Variants in ANKRD36C observed in about 807,000 individuals in gnomAD.
ANKRD36C encodes ankyrin repeat domain-containing protein 36C.
In ANKRD36C, 61 loss-of-function variants were observed where a neutral mutation model predicts 276.4. That is an observed-to-expected ratio of 0.22 (90% CI 0.18 to 0.27). ANKRD36C has a LOEUF of 0.27. Ranked by LOEUF, ANKRD36C falls within the 10% of genes least tolerant of loss-of-function variation. The probability of loss-of-function intolerance (pLI) is 1.00; values close to 1 mark genes in which losing one functional copy is unlikely to be tolerated. For synonymous variants in ANKRD36C, 483 were observed against 680.1 expected (o/e 0.71, Z 4.51); for missense variants, 1,447 against 2,032.3 (o/e 0.71, Z 5.54).
At chr2:95,946,516 T>C (rs1428408103) in intron 17 of ANKRD36C, among the ~76,000 whole-genome samples, 3 of 144,020 alleles carry the variant, frequency 2.1e-5, no homozygotes, top group Non-Finnish European at 4.5e-5. Flanking sequence ...CTCAGGGATC[T>C]AGAACTGGAA....
intron 59 of ANKRD36C, among the ~76,000 whole-genome samples, chr2:95,868,271 C>T (rs535205218): frequency 2.1e-4 from 31 of 150,696 alleles, no homozygotes; most frequent in Non-Finnish European, 3.7e-4. Flanking sequence ...TTTGTAACAA[C>T]AGAAACACCA....
rs770615937 is a variant in ANKRD36C at position 95,890,026 on chromosome 2, T to C, written c.2858-32A>G. ...AGCAAAAAGGATACATAATCACTCA[T>C]ACGTAAATATGATAAAGTTATTCAT... On this transcript the variant is annotated intron_variant, in intron 46 of 66. Transcript: ENST00000456556. 5 of 1,601,464 alleles carry C rather than the reference T, an allele frequency of 3.1e-6. No homozygotes were observed. In the South Asian group the frequency reaches 4.4e-5, roughly 14 times the overall value.
At chr2:95,855,047 CTT>C (rs1573717057) in intron 63 of ANKRD36C, among the ~76,000 whole-genome samples, 1 of 152,102 alleles carries the variant, frequency 6.6e-6, no homozygotes. Flanking sequence ...CATTTTAAAA[CTT>C]AAAATTTTAT....
intron 60 of ANKRD36C, among the ~76,000 whole-genome samples, chr2:95,860,774 A>T (rs1187841935): frequency 1.3e-5 from 2 of 152,162 alleles, no homozygotes. Flanking sequence ...GATGAAGCTG[A>T]GAGGCCAGTA....
At chr2:95,896,752 C>T (rs1676562459) in intron 44 of ANKRD36C, among the ~76,000 whole-genome samples, 1 of 147,880 alleles carries the variant, frequency 6.8e-6, no homozygotes, top group Non-Finnish European at 1.5e-5. Flanking sequence ...CAGGTTTTCT[C>T]AGCAGAAACC....
chr2:95,872,835 A>G (rs1312803597), intron 59 of ANKRD36C, among the ~76,000 whole-genome samples: 15 of 152,190 alleles, frequency 9.9e-5, no homozygotes, highest in Non-Finnish European at 2.9e-5. Context: ...TAAAGGGGAT[A>G]TCACCACCGA....
intron 64 of ANKRD36C, chr2:95,853,471 T>TA (rs1478513979): frequency 7.0e-6 from 2 of 287,158 alleles, no homozygotes; most frequent in East Asian, 1.4e-4. Context: ...AATATATGTA[T>TA]AAAAAATGGC....
Position 95,906,534 on chromosome 2 carries a change from G to A in ANKRD36C, c.2653+5710C>T. The A allele has an allele frequency of 1.2e-5, 3 of 251,130 alleles. No individual in the cohort carries two copies. The East Asian group carries it at 4.9e-4, about 41-fold the overall frequency. 15.6% of individuals were successfully genotyped at this position (251,130 alleles called of 1,614,324 possible). On this transcript the variant is annotated intron_variant, in intron 42 of 66. Transcript: ENST00000456556. ...GAAGAATCTCAGGCCTACTGAATCA[G>A]AATGTGCAGTTTCGACCAGCCCCCC...
chr2:95,945,348 A>G (rs145132502), intron 17 of ANKRD36C, among the ~76,000 whole-genome samples, 174 bp from the exon 18 acceptor site: 91 of 145,174 alleles, frequency 6.3e-4, no homozygotes, highest in Non-Finnish European at 8.8e-4. Context: ...TGGGATGATG[A>G]TTATGATTGG....
chr2:95,925,624 A>G, intron 28 of ANKRD36C, 77 bp from the exon 29 acceptor site: 1 of 1,390,472 alleles, frequency 7.2e-7, no homozygotes, highest in East Asian at 2.5e-5. Context: ...CAGTGTTAGC[A>G]TCAAGCTGTA....
chr2:95,903,109 C>T lies in ANKRD36C; in HGVS notation c.2654-3773G>A. The T allele has an allele frequency of 1.9e-6, 3 of 1,554,090 alleles. 1 individual carries two copies. The highest frequency in any genetic ancestry group is 2.6e-6 in the Non-Finnish European group (3 of 1,147,896). ...GAAAAGTAAAAGGGATTCATAATCACTCATATGTAAAAATGACAAAATTAT... is the reference window on the plus strand; with the variant it reads ...GAAAAGTAAAAGGGATTCATAATCATTCATATGTAAAAATGACAAAATTAT... On this transcript the variant is annotated intron_variant, in intron 42 of 66. Transcript: ENST00000456556.
Position 95,982,240 on chromosome 2 carries a change from G to T in ANKRD36C, c.593+16C>A. The T allele has an allele frequency of 2.0e-6, 3 of 1,516,428 alleles. No homozygotes were observed. Among genetic ancestry groups the T allele is most frequent in the Non-Finnish European group, 2.7e-6 (3 of 1,123,832 alleles). The allele number at this position is 1,516,428 out of a possible 1,614,324, so 93.9% of individuals were successfully genotyped here. On this transcript the variant is annotated intron_variant, in intron 4 of 66. Transcript: ENST00000456556. ...CTCAGGTTTAAAAACAACACAATAA[G>T]AACTAAGGTCTGTACCTGCCAAGAT...
chr2:95,966,688 T>C (rs1216892296), intron 6 of ANKRD36C, among the ~76,000 whole-genome samples: 1 of 152,144 alleles, frequency 6.6e-6, no homozygotes, highest in Non-Finnish European at 1.5e-5. Flanking sequence ...TAGTTTTTTC[T>C]AATTCTGTGA....
chr2:95,862,310 G>T (rs1197482006), intron 60 of ANKRD36C, among the ~76,000 whole-genome samples: 1 of 151,870 alleles, frequency 6.6e-6, no homozygotes, highest in African/African-American at 2.4e-5. Flanking sequence ...GAGTCAGAAG[G>T]ATTTAAGTCA....
At chr2:95,909,660 T>C (rs1033844703) in intron 42 of ANKRD36C, among the ~76,000 whole-genome samples, 154 of 146,676 alleles carry the variant, frequency 1.0e-3, no homozygotes, top group Middle Eastern at 7.0e-3. Flanking sequence ...CAACTTTGTC[T>C]CATTTCTGTA....
chr2:95,884,880 A>C (rs796126936), intron 52 of ANKRD36C, among the ~76,000 whole-genome samples: 1 of 149,904 alleles, frequency 6.7e-6, no homozygotes, highest in South Asian at 2.1e-4. Flanking sequence ...TCAGTGGAAG[A>C]GTCCTAAATT....
intron 1 of ANKRD36C, among the ~76,000 whole-genome samples, chr2:95,988,728 ATTGT>A (rs1470368255): frequency 1.3e-5 from 2 of 152,244 alleles, no homozygotes; most frequent in African/African-American, 2.4e-5. Context: ...TTAATTTAAA[ATTGT>A]TTGCTTATAT....
chr2:95,944,778 C>T (rs1483793197), intron 18 of ANKRD36C, 84 bp from the exon 19 acceptor site: 14 of 1,445,254 alleles, frequency 9.7e-6, no homozygotes, highest in Admixed American at 8.0e-5. Context: ...GGGCTCACAG[C>T]TTTAATCCCA....
chr2:95,986,737 T>C lies in ANKRD36C; in HGVS notation c.486+14A>G, dbSNP rs1241973238. 6.3e-7 allele frequency: 1 copy of C among 1,596,480 alleles called. No homozygotes were observed. The highest frequency in any genetic ancestry group is 2.2e-5 in the East Asian group (1 of 44,692). ...ATTTCAGATAGTTTGAAAATAACAT[T>C]GGTTGACCTATACCTCGCTGCATTC... On this transcript the variant is annotated intron_variant, in intron 3 of 66. Coordinates refer to ENST00000456556, the Ensembl canonical transcript of ANKRD36C.
Sources: gnomAD v4.1 joint callset for allele counts (sites outside exome capture counted in the v4.1 genomes callset) on GRCh38, gnomAD v4.1.1 for gene constraint, MANE v1.5 for transcripts, NCBI Gene and HGNC (gene_info 2026-07-23, HGNC 2026-07-21) for gene names.